CACNA2D1: variants seen among roughly 807,000 people sequenced by gnomAD.
CACNA2D1 encodes the protein voltage-dependent calcium channel subunit alpha-2/delta-1.
CACNA2D1 carries 53 observed loss-of-function variants against 171.5 expected under a neutral mutation model. That is an observed-to-expected ratio of 0.31 (90% confidence interval 0.25 to 0.39). CACNA2D1 has a LOEUF of 0.39. CACNA2D1 is among the 10% of genes least tolerant of loss of function. The pLI is 1.00. For missense variants in CACNA2D1, 903 were observed against 1,299.8 expected (o/e 0.69, Z 4.69); for synonymous variants, 442 against 443.1 (o/e 1.00, Z 0.03).
chr7:82,245,576 A>AAG (rs1340385680), intron 3 of CACNA2D1, among the ~76,000 whole-genome samples: 2 of 152,082 alleles, frequency 1.3e-5, no homozygotes, highest in African/African-American at 4.8e-5. Flanking sequence ...ATTTTCCTAG[A>AAG]AGACTTTCGT....
At position 82,117,047 on chromosome 7, in the gene CACNA2D1, C is replaced by T; in HGVS notation, c.523G>A (p.Gly175Ser). The T allele has an allele frequency of 1.2e-6, 2 of 1,613,698 alleles. No homozygotes were observed. Among genetic ancestry groups the T allele is most frequent in the Non-Finnish European group, 1.7e-6 (2 of 1,179,776 alleles). ...ATGTTAACATTCTTTTACTTACAGC[C>T]CTCATAGATGTCAGTAGGAATATGG... ...AVHIPTDIYE[G>S]STIVLNELNW... Residue 175 changes from glycine (G) to serine (S), a missense_variant, in exon 6 of 39, where the codon GGC becomes AGC. This residue lies in a region of CACNA2D1 where 189 missense variants were observed against 266.8 expected (regional missense o/e 0.71). Transcript: ENST00000356860.
intron 7 of CACNA2D1, among the ~76,000 whole-genome samples, chr7:82,079,464 G>A (rs112303021): frequency 2.6e-5 from 4 of 152,210 alleles, no homozygotes; most frequent in African/African-American, 9.6e-5. Flanking sequence ...GGCTGAGGCA[G>A]GTGGATCACC....
intron 1 of CACNA2D1, among the ~76,000 whole-genome samples, chr7:82,364,631 T>C (rs956690966): frequency 6.6e-6 from 1 of 152,218 alleles, no homozygotes; most frequent in African/African-American, 2.4e-5. Context: ...AATTAGAATC[T>C]TATTCTTGAC....
At chr7:82,405,040 T>A (rs1826865260) in intron 1 of CACNA2D1, among the ~76,000 whole-genome samples, 1 of 152,236 alleles carries the variant, frequency 6.6e-6, no homozygotes, top group Non-Finnish European at 1.5e-5. Context: ...ACAACTTTTT[T>A]GGTACTATGA....
intron 3 of CACNA2D1, among the ~76,000 whole-genome samples, chr7:82,289,593 T>C (rs1811269017): frequency 6.6e-6 from 1 of 152,182 alleles, no homozygotes; most frequent in Non-Finnish European, 1.5e-5. Context: ...TAAATATGAC[T>C]CTCACTGACT....
rs1014861308 is a variant in CACNA2D1, at chr7:82,283,788, A to G, written c.294+51347T>C. Among the ~76,000 whole-genome samples, 4 of 152,340 alleles carry G rather than the reference A, an allele frequency of 2.6e-5. No homozygotes were observed. The South Asian group carries it at 8.3e-4, about 32-fold the overall frequency. ...TGCAAAAACTAATGAAACAGAGCTG[A>G]ACATCTAGAAACAAATTAGCAGATA... is the stretch of plus-strand genomic sequence containing the variant. On this transcript the variant is annotated intron_variant, in intron 3 of 38. Coordinates refer to ENST00000356860, the MANE Select transcript of CACNA2D1 (RefSeq NM_000722.4).
chr7:82,255,453 G>C (rs1359377002), intron 3 of CACNA2D1, among the ~76,000 whole-genome samples: 1 of 152,156 alleles, frequency 6.6e-6, no homozygotes, highest in Non-Finnish European at 1.5e-5. Context: ...ATGTGAGAAA[G>C]AATTAACTCA....
chr7:82,078,447 TCA>T (rs1444977318), intron 7 of CACNA2D1, among the ~76,000 whole-genome samples: 1 of 152,178 alleles, frequency 6.6e-6, no homozygotes, highest in African/African-American at 2.4e-5. Context: ...GCATAAGAAT[TCA>T]CAAAGTTGAT....
chr7:82,090,378 T>C (rs1288100551), intron 6 of CACNA2D1, among the ~76,000 whole-genome samples: 1 of 152,110 alleles, frequency 6.6e-6, no homozygotes, highest in Non-Finnish European at 1.5e-5. Context: ...ATTAAAGATA[T>C]GTAAGGGACT....
chr7:82,064,340 G>A lies in CACNA2D1; in HGVS notation c.743C>T (p.Ala248Val). 6.2e-7 allele frequency: 1 copy of A among 1,604,070 alleles called. No individual in the cohort carries two copies. The highest frequency in any genetic ancestry group is 8.5e-7 in the Non-Finnish European group (1 of 1,171,622). The change falls in exon 9 of 39, where the codon GCT (alanine) becomes GTT (valine). Residue 248 changes from alanine to valine, a missense_variant. Physicochemically the swap from Ala to Val is moderately conservative, Grantham distance 64. Coordinates refer to ENST00000356860, the MANE Select transcript of CACNA2D1 (RefSeq NM_000722.4). ...AATAAGCATGTCTTTAGGAGATGCA[G>A]CTCCTTGGATGTACCTGAAACAAAT... Reference protein sequence around the residue: ...VRRRPWYIQGAASPKDMLILV... With the variant: ...VRRRPWYIQGVASPKDMLILV...
intron 3 of CACNA2D1, among the ~76,000 whole-genome samples, chr7:82,255,215 C>A (rs1418604368): frequency 1.3e-5 from 2 of 152,130 alleles, no homozygotes; most frequent in South Asian, 4.1e-4. Context: ...ACCTCCCGAC[C>A]ACCCACACTA....
chr7:82,190,837 TAAAG>T, intron 3 of CACNA2D1, among the ~76,000 whole-genome samples: 1 of 151,734 alleles, frequency 6.6e-6, no homozygotes, highest in Non-Finnish European at 1.5e-5. Context: ...CTAGATTACT[TAAAG>T]AAAATTTCTC....
chr7:82,294,894 C>T (rs1357934536), intron 3 of CACNA2D1, among the ~76,000 whole-genome samples: 6 of 152,050 alleles, frequency 3.9e-5, no homozygotes, highest in Admixed American at 3.9e-4. Context: ...AATTTATAAA[C>T]ATCTACATGA....
In CACNA2D1 at chr7:82,122,331, G is replaced by A. The variant is rs559266805; in HGVS notation, c.397-5158C>T. Among the ~76,000 whole-genome samples the A allele has an allele frequency of 7.8e-4, 119 of 152,228 alleles. 1 individual carries two copies. The highest frequency in any genetic ancestry group is 2.7e-3 in the African/African-American group (114 of 41,560). ...ACATTCTTCAAATAAGATTAAAGTC[G>A]CTGATGAGGATTATAATGATGCATT... On this transcript the variant is annotated intron_variant, in intron 5 of 38. Coordinates refer to ENST00000356860, the MANE Select transcript of CACNA2D1 (RefSeq NM_000722.4).
intron 3 of CACNA2D1, among the ~76,000 whole-genome samples, chr7:82,242,061 T>A (rs1445558690): frequency 6.6e-6 from 1 of 152,018 alleles, no homozygotes; most frequent in African/African-American, 2.4e-5. Context: ...ATAAAATATA[T>A]CCTCAAAAGA....
chr7:82,007,140 TA>T (rs1192294114), intron 16 of CACNA2D1, among the ~76,000 whole-genome samples: 1 of 151,926 alleles, frequency 6.6e-6, no homozygotes, highest in Admixed American at 6.6e-5. Flanking sequence ...ACCAGTGCTA[TA>T]AAAATTAAGC....
chr7:82,002,057 A>C (rs978944976), intron 18 of CACNA2D1, among the ~76,000 whole-genome samples: 1 of 145,638 alleles, frequency 6.9e-6, no homozygotes, highest in Non-Finnish European at 1.5e-5. Context: ...AGAGAGAGAG[A>C]GAGAAATAAC....
intron 3 of CACNA2D1, among the ~76,000 whole-genome samples, chr7:82,320,942 T>TTTATATATATATAAAGCCA (rs1554510292): frequency 1.3e-5 from 2 of 152,096 alleles, no homozygotes; most frequent in African/African-American, 4.8e-5. Flanking sequence ...TATAAAGCCA[T>TTTATATATATATAAAGCCA]TTATATATAT....
chr7:82,294,427 G>T (rs1812021404), intron 3 of CACNA2D1, among the ~76,000 whole-genome samples: 1 of 151,412 alleles, frequency 6.6e-6, no homozygotes, highest in Middle Eastern at 3.4e-3. Flanking sequence ...TTTCTATATG[G>T]TGACATGACT....
Sources: gnomAD v4.1 joint callset for allele counts (sites outside exome capture counted in the v4.1 genomes callset) on GRCh38, gnomAD v4.1.1 for gene constraint, gnomAD v4.1.1 regional missense constraint, MANE v1.5 for transcripts, NCBI Gene and HGNC (gene_info 2026-07-23, HGNC 2026-07-21) for gene names.